RASAL2: variants seen among roughly 807,000 people sequenced by gnomAD.
RASAL2 encodes RAS protein activator like 2, also known as ras GTPase-activating protein nGAP.
A neutral mutation model predicts 128.9 loss-of-function variants in RASAL2; 58 were observed. That is an observed-to-expected ratio of 0.45 (90% CI 0.36 to 0.56). RASAL2 has a LOEUF of 0.56. Among genes scored for constraint, RASAL2 ranks in the 20% least tolerant of loss-of-function variants. The pLI is 0.00. For synonymous variants in RASAL2, 561 were observed against 580.8 expected, an observed-to-expected ratio of 0.97 and a Z score of 0.49; for missense variants, 1,360 against 1,601.6, an observed-to-expected ratio of 0.85 and a Z score of 2.57.
Position 178,094,313 on chromosome 1 carries a change from C to A in RASAL2, c.-180C>A. ...CCCGCCGACTGCAGGTGGGCTGCATCGCCCGAGCCTCGGGCAGTGGGCGAC... is the reference window on the plus strand; with the variant it reads ...CCCGCCGACTGCAGGTGGGCTGCATAGCCCGAGCCTCGGGCAGTGGGCGAC... On this transcript the variant is annotated 5_prime_UTR_variant, in exon 1 of 18. Coordinates refer to ENST00000367649, the MANE Select transcript of RASAL2 (RefSeq NM_170692.4). The A allele has an allele frequency of 1.7e-6, 1 of 592,760 alleles. No individual in the cohort carries two copies. Among genetic ancestry groups the A allele is most frequent in the Non-Finnish European group, 2.8e-6 (1 of 354,940 alleles). The allele number at this position is 592,760 out of a possible 1,614,324, so 36.7% of individuals were successfully genotyped here.
intron 1 of RASAL2, among the ~76,000 whole-genome samples, chr1:178,213,269 C>G (rs1035783583): frequency 2.0e-5 from 3 of 152,104 alleles, no homozygotes; most frequent in Admixed American, 2.0e-4. Flanking sequence ...ATCTCAAACT[C>G]CTGGGTGCAA....
At position 178,400,778 on chromosome 1, in the gene RASAL2, G is replaced by A. The variant is rs917916897; in HGVS notation, c.564+10572G>A. On this transcript the variant is annotated intron_variant, in intron 4 of 17. Coordinates refer to ENST00000367649, the MANE Select transcript of RASAL2 (RefSeq NM_170692.4). ...ATTAATTAATTAATTATTTTGAGAC[G>A]GTGTCTCAGTCACTCAGGTTGGAAT... Among the ~76,000 whole-genome samples, 7 of 151,772 alleles carry A rather than the reference G, an allele frequency of 4.6e-5. No individual in the cohort carries two copies. In the East Asian group the frequency reaches 9.6e-4, roughly 21 times the overall value.
At position 178,467,367 on chromosome 1, in the gene RASAL2, T is replaced by C. The variant is rs1281186573; in HGVS notation, c.3624T>C (p.Asp1208=). Residue 1208 remains aspartate (D), a synonymous_variant, in exon 17 of 18, where the codon GAT becomes GAC. Coordinates refer to ENST00000367649, the MANE Select transcript of RASAL2 (RefSeq NM_170692.4). ...LMAVEEELKK[D]HAEMQAVIDA... ...CTGTGGAAGAGGAACTGAAGAAGGA[T>C]CATGCTGAGATGCAAGCAGTTATTG... 5 of 1,614,128 alleles carry C rather than the reference T, an allele frequency of 3.1e-6. No homozygotes were observed. Among genetic ancestry groups the C allele is most frequent in the Admixed American group, 1.7e-5 (1 of 60,032 alleles).
chr1:178,314,505 A>G (rs1376971619), intron 3 of RASAL2, among the ~76,000 whole-genome samples: 1 of 152,212 alleles, frequency 6.6e-6, no homozygotes, highest in African/African-American at 2.4e-5. Flanking sequence ...GACAAGTGTT[A>G]TGTTTCAAAC....
chr1:178,419,168 G>T (rs915149121), intron 4 of RASAL2, among the ~76,000 whole-genome samples: 1 of 152,096 alleles, frequency 6.6e-6, no homozygotes, highest in Non-Finnish European at 1.5e-5. Context: ...AATGTTTATT[G>T]TACACAGCTT....
chr1:178,166,613 G>T (rs1028896845), intron 1 of RASAL2, among the ~76,000 whole-genome samples: 1 of 152,142 alleles, frequency 6.6e-6, no homozygotes, highest in African/African-American at 2.4e-5. Context: ...AATAAGTAGT[G>T]TCACCAAAGA....
chr1:178,411,496 T>C (rs890221485), intron 4 of RASAL2: 9 of 527,800 alleles, frequency 1.7e-5, no homozygotes, highest in Non-Finnish European at 3.1e-5. Context: ...AAATCACCAC[T>C]AAAGAACTTT....
At chr1:178,255,398 T>C (rs1437827015) in intron 1 of RASAL2, among the ~76,000 whole-genome samples, 1 of 152,094 alleles carries the variant, frequency 6.6e-6, no homozygotes, top group Non-Finnish European at 1.5e-5. Flanking sequence ...TCATAACATA[T>C]AGAAACGTAA....
rs1245829130 is a variant in RASAL2 at position 178,458,674 on chromosome 1, G to A, written c.3252+130G>A. 3.8e-6 allele frequency: 5 copies of A among 1,323,604 alleles called. No individual in the cohort carries two copies. The East Asian group carries it at 7.2e-5, about 19-fold the overall frequency. The allele number at this position is 1,323,604 out of a possible 1,614,324, so 82.0% of individuals were successfully genotyped here. ...CTTAAAAGCAACCTTTAAATGGAAA[G>A]AGGAAAGGAAAAATTTGGGAGGCTT... is the stretch of plus-strand genomic sequence containing the variant. On this transcript the variant is annotated intron_variant, in intron 14 of 17. Coordinates refer to ENST00000367649, the MANE Select transcript of RASAL2 (RefSeq NM_170692.4).
chr1:178,394,212 G>A (rs115479517), intron 4 of RASAL2, among the ~76,000 whole-genome samples: 3,487 of 152,204 alleles, frequency 0.023, 62 homozygotes, highest in Middle Eastern at 0.058. Flanking sequence ...GCACATCTGA[G>A]TTTTGACTGT....
rs1451122778 is a variant in RASAL2 at position 178,317,221 on chromosome 1, A to C, written c.457+17103A>C. Reference sequence around the variant, plus strand: ...GTATTTTACTGAGGATTTTTGCATCAATGTTCATCAAGGATATTGGTCTAA... The same window carrying C: ...GTATTTTACTGAGGATTTTTGCATCCATGTTCATCAAGGATATTGGTCTAA... On this transcript the variant is annotated intron_variant, in intron 3 of 17. Transcript: ENST00000367649. 2.3e-5 allele frequency among the ~76,000 whole-genome samples: 3 copies of C among 132,776 alleles called. 1 individual carries two copies. The highest frequency in any genetic ancestry group is 7.4e-5 in the African/African-American group (2 of 27,114). 87.1% of individuals were successfully genotyped at this position (132,776 alleles called of 152,430 possible). A position where few individuals can be genotyped will look rare whatever the true frequency, so the allele number is the denominator to read the frequency against.
chr1:178,258,936 T>C (rs2102122121), intron 1 of RASAL2, among the ~76,000 whole-genome samples: 1 of 152,184 alleles, frequency 6.6e-6, no homozygotes, highest in South Asian at 2.1e-4. Flanking sequence ...CTAAAAAGAA[T>C]GTAGTACTAA....
At chr1:178,251,033 GA>G (rs1179358988) in intron 1 of RASAL2, among the ~76,000 whole-genome samples, 1 of 152,152 alleles carries the variant, frequency 6.6e-6, no homozygotes, top group East Asian at 1.9e-4. Flanking sequence ...TAAGATCAGA[GA>G]AAGCAAGAGT....
At chr1:178,253,577 GA>G (rs1665161010) in intron 1 of RASAL2, among the ~76,000 whole-genome samples, 1 of 152,102 alleles carries the variant, frequency 6.6e-6, no homozygotes, top group Non-Finnish European at 1.5e-5. Context: ...GGGTGAGTCC[GA>G]AAGAGAGTCA....
At chr1:178,428,314 G>A (rs929306400) in intron 5 of RASAL2, among the ~76,000 whole-genome samples, 1 of 151,780 alleles carries the variant, frequency 6.6e-6, no homozygotes, top group African/African-American at 2.4e-5. Context: ...TAATTGCTGG[G>A]TTCTATGGTA....
chr1:178,184,244 T>C (rs1397923866), intron 1 of RASAL2, among the ~76,000 whole-genome samples: 1 of 152,196 alleles, frequency 6.6e-6, no homozygotes, highest in Non-Finnish European at 1.5e-5. Flanking sequence ...TCTTCCAGTT[T>C]ATATCTTGTC....
intron 3 of RASAL2, among the ~76,000 whole-genome samples, chr1:178,353,158 A>G (rs1670608321): frequency 6.6e-6 from 1 of 152,196 alleles, no homozygotes; most frequent in Non-Finnish European, 1.5e-5. Flanking sequence ...CTTCTCTTCT[A>G]CCACATGGCC....
At chr1:178,100,121 C>A (rs1460739579) in intron 1 of RASAL2, among the ~76,000 whole-genome samples, 3 of 152,118 alleles carry the variant, frequency 2.0e-5, no homozygotes, top group Non-Finnish European at 2.9e-5. Flanking sequence ...CTGTACAAAT[C>A]TTCAGACATA....
intron 1 of RASAL2, among the ~76,000 whole-genome samples, chr1:178,212,459 G>A (rs994083784): frequency 2.0e-5 from 3 of 152,140 alleles, no homozygotes; most frequent in East Asian, 1.9e-4. Context: ...TAAACAACGC[G>A]AAGGAAGTGA....
Sources: allele counts gnomAD v4.1 joint callset (sites outside exome capture counted in the v4.1 genomes callset), GRCh38; gene constraint gnomAD v4.1.1; transcripts MANE v1.5; gene names NCBI Gene and HGNC (gene_info 2026-07-23, HGNC 2026-07-21).